The following FOXO1 variants were observed in gnomAD, a reference collection of about 807,000 sequenced individuals.
FOXO1 encodes the protein forkhead box O1, also known as forkhead box protein O1.
FOXO1 carries 6 observed loss-of-function variants against 44.1 expected under a neutral mutation model. The observed-to-expected ratio is 0.14, with a 90% CI of 0.07 to 0.27. The LOEUF is 0.27. FOXO1 is among the 10% of genes least tolerant of loss of function. The pLI is 1.00. For synonymous variants in FOXO1, 380 were observed against 362.7 expected, an observed-to-expected ratio of 1.05 and a Z score of -0.54; for missense variants, 737 against 888.8, an observed-to-expected ratio of 0.83 and a Z score of 2.17.
chr13:40,620,704 C>T (rs922301103), intron 1 of FOXO1, among the ~76,000 whole-genome samples: 2 of 152,024 alleles, frequency 1.3e-5, no homozygotes, highest in African/African-American at 4.8e-5. Flanking sequence ...TGAGACCACC[C>T]AGCCTCATAC....
At chr13:40,576,667 G>C (rs1226859535) in intron 1 of FOXO1, among the ~76,000 whole-genome samples, 2 of 152,108 alleles carry the variant, frequency 1.3e-5, no homozygotes, top group Non-Finnish European at 2.9e-5. Flanking sequence ...CAGGGTTTTC[G>C]ATTCAAGCTT....
chr13:40,563,758 G>A (rs976323093), intron 1 of FOXO1, among the ~76,000 whole-genome samples: 1 of 151,996 alleles, frequency 6.6e-6, no homozygotes, highest in Non-Finnish European at 1.5e-5. Context: ...ATGGGAAGGC[G>A]CCACACACAC....
At chr13:40,609,095 T>C (rs1166530008) in intron 1 of FOXO1, among the ~76,000 whole-genome samples, 1 of 152,202 alleles carries the variant, frequency 6.6e-6, no homozygotes, top group East Asian at 1.9e-4. Context: ...TGTGCCATTT[T>C]CCCATTCCAG....
chr13:40,584,467 T>C (rs1323640282), intron 1 of FOXO1, among the ~76,000 whole-genome samples: 1 of 16,652 alleles, frequency 6.0e-5, no homozygotes, highest in Non-Finnish European at 9.4e-5. Context: ...CCACAAAAAA[T>C]GCAAAAAAAA....
chr13:40,609,187 GAAATA>G (rs1406165280), intron 1 of FOXO1, among the ~76,000 whole-genome samples: 9 of 152,096 alleles, frequency 5.9e-5, no homozygotes, highest in African/African-American at 2.2e-4. Context: ...CAGTAGACCT[GAAATA>G]AAATTACGTT....
chr13:40,564,945 G>T (rs12184697), intron 1 of FOXO1, among the ~76,000 whole-genome samples: 2 of 148,512 alleles, frequency 1.3e-5, no homozygotes, highest in Admixed American at 1.4e-4. Flanking sequence ...ACAGATGGGG[G>T]AGTCGGGGAA....
chr13:40,605,990 A>C (rs1460283432), intron 1 of FOXO1, among the ~76,000 whole-genome samples: 1 of 152,250 alleles, frequency 6.6e-6, no homozygotes, highest in Non-Finnish European at 1.5e-5. Context: ...ATGACAAAAA[A>C]AAAATTATAA....
chr13:40,627,284 C>A (rs1456366193), intron 1 of FOXO1, among the ~76,000 whole-genome samples: 1 of 152,208 alleles, frequency 6.6e-6, no homozygotes, highest in Non-Finnish European at 1.5e-5. Context: ...CACATTCACA[C>A]ACCTGCTAAA....
chr13:40,599,327 G>A (rs976438084), intron 1 of FOXO1, among the ~76,000 whole-genome samples: 1 of 152,062 alleles, frequency 6.6e-6, no homozygotes, highest in Non-Finnish European at 1.5e-5. Flanking sequence ...TAAAAGAGAT[G>A]GGATTTCCCC....
chr13:40,597,340 C>G (rs1875619645), intron 1 of FOXO1, among the ~76,000 whole-genome samples: 1 of 152,134 alleles, frequency 6.6e-6, no homozygotes, highest in Admixed American at 6.5e-5. Flanking sequence ...GGAGCCTGTT[C>G]TCTTATTTTC....
rs191887079 is a variant in FOXO1 at position 40,559,970 on chromosome 13, A to G, written c.1521T>C (p.Tyr507=). 2.2e-5 allele frequency: 35 copies of G among 1,614,184 alleles called. No individual in the cohort carries two copies. The African/African-American group carries it at 4.1e-4, about 19-fold the overall frequency. The part of the protein sequence containing the change: ...MMGPNSVMST[Y]GSQASHNKMM... ...TTTTGTTATGAGATGCCTGGCTGCC[A>G]TAGGTTGACATGACCGAATTAGGGC... The change falls in exon 2 of 3, where the codon TAT becomes TAC. Residue 507 remains tyrosine (Y), a synonymous_variant. Coordinates refer to ENST00000379561, the MANE Select transcript of FOXO1 (RefSeq NM_002015.4).
intron 1 of FOXO1, among the ~76,000 whole-genome samples, chr13:40,662,260 G>C: frequency 7.0e-6 from 1 of 142,312 alleles, no homozygotes; most frequent in Non-Finnish European, 1.5e-5. Flanking sequence ...TATTTAACAA[G>C]AGTTAAGTGG....
In FOXO1 at chr13:40,559,251, T is replaced by C. The variant is rs548765994; in HGVS notation, c.*15-217A>G. Among the ~76,000 whole-genome samples, 9 of 152,336 alleles carry C rather than the reference T, an allele frequency of 5.9e-5. No individual in the cohort carries two copies. The South Asian group carries it at 1.2e-3, about 21-fold the overall frequency. ...GATTTATATCAAATGTATTCATTTA[T>C]TGAAGAGCTACTAAAAAGATGCAGC... On this transcript the variant is annotated intron_variant, in intron 2 of 2. Coordinates refer to ENST00000379561, the MANE Select transcript of FOXO1 (RefSeq NM_002015.4).
chr13:40,562,218 C>T (rs1874056829), intron 1 of FOXO1, among the ~76,000 whole-genome samples: 1 of 152,188 alleles, frequency 6.6e-6, no homozygotes. Context: ...CACACCTCCA[C>T]GTAGCCAGGG....
chr13:40,566,222 T>C (rs1451984062), intron 1 of FOXO1, among the ~76,000 whole-genome samples: 1 of 152,082 alleles, frequency 6.6e-6, no homozygotes, highest in Non-Finnish European at 1.5e-5. Flanking sequence ...GTTCTGATGT[T>C]CTGTCTCTGT....
rs1226537143 is a variant in FOXO1, at chr13:40,666,207, G to A, written c.6C>T (p.Ala2=). 2 of 1,430,696 alleles carry A rather than the reference G, an allele frequency of 1.4e-6. No homozygotes were observed. Among genetic ancestry groups the A allele is most frequent in the Admixed American group, 2.6e-5 (1 of 38,282 alleles). 88.6% of individuals were successfully genotyped at this position (1,430,696 alleles called of 1,614,324 possible). A position where few individuals can be genotyped will look rare whatever the true frequency, so the allele number is the denominator to read the frequency against. Reference sequence around the variant, plus strand: ...CGATCTCCACCACCTGAGGCGCCTCGGCCATGGTGACCCCCGCCCCTCCCC... The same window carrying A: ...CGATCTCCACCACCTGAGGCGCCTCAGCCATGGTGACCCCCGCCCCTCCCC... M[A]EAPQVVEIDP... is the part of the protein sequence containing the mutation. Residue 2 remains alanine (A), a synonymous_variant, in exon 1 of 3, where the codon GCC becomes GCT. Coordinates refer to ENST00000379561, the MANE Select transcript of FOXO1 (RefSeq NM_002015.4).
At position 40,666,092 on chromosome 13, in the gene FOXO1, T is replaced by A; in HGVS notation, c.121A>T (p.Ser41Cys). Reference sequence around the variant, plus strand: ...GCCGCGCTGCCCGACGGCGCCGGGCTGGAGGTGGCCGAGTTGGACTGGCTA... The same window carrying A: ...GCCGCGCTGCCCGACGGCGCCGGGCAGGAGGTGGCCGAGTTGGACTGGCTA... ...EFSQSNSATS[S>C]PAPSGSAAAN... The change falls in exon 1 of 3, where the codon AGC (serine) becomes TGC (cysteine). Residue 41 changes from serine to cysteine, a missense_variant. Physicochemically the swap from Ser to Cys is moderately radical, Grantham distance 112. Transcript: ENST00000379561. 1 of 1,386,440 alleles carries A rather than the reference T, an allele frequency of 7.2e-7. No individual in the cohort carries two copies. Among genetic ancestry groups the A allele is most frequent in the Non-Finnish European group, 9.3e-7 (1 of 1,069,702 alleles). The allele number at this position is 1,386,440 out of a possible 1,614,324, so 85.9% of individuals were successfully genotyped here.
chr13:40,665,910 GGCCGCGGCGGCCGCCGCCGCCACC>G lies in FOXO1; in HGVS notation c.279_302del (p.Val94_Ala101del), dbSNP rs1242979323. 34 of 1,184,948 alleles carry G rather than the reference GGCCGCGGCGGCCGCCGCCGCCACC, an allele frequency of 2.9e-5. No homozygotes were observed. The highest frequency in any genetic ancestry group is 3.5e-5 in the Non-Finnish European group (34 of 961,190). The allele number at this position is 1,184,948 out of a possible 1,614,324, so 73.4% of individuals were successfully genotyped here. Reference sequence around the variant, plus strand: ...AGTCCCCGCACAGCCCCCCGGTGGCGGCCGCGGCGGCCGCCGCCGCCACCGCCGCCGCCACGGAGCCGGGCGCCT... The same window carrying G: ...AGTCCCCGCACAGCCCCCCGGTGGCGGCCGCCGCCACGGAGCCGGGCGCCT... On this transcript the variant is annotated inframe_deletion, in exon 1 of 3. Transcript: ENST00000379561.
At chr13:40,564,161 T>A (rs953557478) in intron 1 of FOXO1, among the ~76,000 whole-genome samples, 2 of 152,146 alleles carry the variant, frequency 1.3e-5, no homozygotes, top group Non-Finnish European at 2.9e-5. Flanking sequence ...GCCTGTCAGA[T>A]CACTGGCAAG....
Sources: allele counts gnomAD v4.1 joint callset (sites outside exome capture counted in the v4.1 genomes callset), GRCh38; gene constraint gnomAD v4.1.1; transcripts MANE v1.5; gene names NCBI Gene and HGNC (gene_info 2026-07-23, HGNC 2026-07-21).